Variants in SMURF2 observed in about 807,000 individuals in gnomAD.
The protein encoded by SMURF2 is E3 ubiquitin-protein ligase SMURF2.
SMURF2 carries 48 observed loss-of-function variants against 109.6 expected under a neutral mutation model. That is an observed-to-expected ratio of 0.44 (90% CI 0.35 to 0.56). The LOEUF (loss-of-function observed/expected upper bound fraction) is 0.56, where lower values mean the gene tolerates loss of function less well. Among genes scored for constraint, SMURF2 ranks in the 20% least tolerant of loss-of-function variants. SMURF2 has a pLI of 0.01. For missense variants in SMURF2, 575 were observed against 909.0 expected (o/e 0.63, Z 4.72); for synonymous variants, 288 against 317.1 (o/e 0.91, Z 0.97).
chr17:64,602,176 G>A (rs1484653180), intron 2 of SMURF2, among the ~76,000 whole-genome samples: 4 of 151,786 alleles, frequency 2.6e-5, no homozygotes, highest in Non-Finnish European at 5.9e-5. Flanking sequence ...GGGACTGGGG[G>A]AAAGGGTGGG....
At chr17:64,649,523 T>C (rs1392226346) in intron 1 of SMURF2, among the ~76,000 whole-genome samples, 1 of 152,142 alleles carries the variant, frequency 6.6e-6, no homozygotes, top group African/African-American at 2.4e-5. Context: ...ATAAAAATGG[T>C]TTATAAAAAT....
chr17:64,632,020 C>T (rs144076710), intron 1 of SMURF2, among the ~76,000 whole-genome samples: 2 of 124,194 alleles, frequency 1.6e-5, no homozygotes, highest in African/African-American at 3.0e-5. Context: ...TACAATGTTG[C>T]GATCTCGGCT....
In SMURF2 at chr17:64,547,430, A is replaced by T. The variant is rs1968974270; in HGVS notation, c.2071+170T>A. Among the ~76,000 whole-genome samples, 1 of 152,220 alleles carries T rather than the reference A, an allele frequency of 6.6e-6. No homozygotes were observed. Among genetic ancestry groups the T allele is most frequent in the African/African-American group, 2.4e-5 (1 of 41,460 alleles). ...GAAGCCCGCAGAAAAGGCTCTTGGG[A>T]AGGGAACAAAAGAAAGGAGGGAGAA... On this transcript the variant is annotated intron_variant, in intron 17 of 18. Transcript: ENST00000262435. The surrounding 1 kb of genome is among the most constrained non-coding windows in gnomAD (Gnocchi z 4.2).
At chr17:64,657,286 G>C (rs1316261561) in intron 1 of SMURF2, among the ~76,000 whole-genome samples, 2 of 152,050 alleles carry the variant, frequency 1.3e-5, no homozygotes, top group African/African-American at 4.8e-5. Flanking sequence ...GTATTGCTAG[G>C]GGCGAGGGCA....
chr17:64,583,995 C>G (rs967600522), intron 6 of SMURF2, among the ~76,000 whole-genome samples: 1 of 152,032 alleles, frequency 6.6e-6, no homozygotes, highest in African/African-American at 2.4e-5. Flanking sequence ...CCTACCCAAA[C>G]TAATTTTTTA....
rs568622136 is a variant in SMURF2, at chr17:64,606,791, T to C, written c.53-151A>G. ...GACCACAAACTTTCGAACTAGCAAA[T>C]AAAAGACAGTTGAACCAGTGGTTGC... is the stretch of plus-strand genomic sequence containing the variant. On this transcript the variant is annotated intron_variant, in intron 1 of 18. Transcript: ENST00000262435. 2.6e-5 allele frequency: 14 copies of C among 547,836 alleles called. No homozygotes were observed. The African/African-American group carries it at 2.6e-4, about 10-fold the overall frequency. 33.9% of individuals were successfully genotyped at this position (547,836 alleles called of 1,614,324 possible). A position where few individuals can be genotyped will look rare whatever the true frequency, so the allele number is the denominator to read the frequency against.
chr17:64,583,133 C>T (rs1283523863), intron 7 of SMURF2, among the ~76,000 whole-genome samples: 1 of 152,136 alleles, frequency 6.6e-6, no homozygotes. Flanking sequence ...CTCAAGTGAT[C>T]CACATGCCTT....
chr17:64,599,833 A>G (rs1190009148), intron 2 of SMURF2, among the ~76,000 whole-genome samples: 2 of 152,208 alleles, frequency 1.3e-5, no homozygotes, highest in Non-Finnish European at 2.9e-5. Flanking sequence ...CATACAGGAG[A>G]AGGAGGACTT....
At chr17:64,592,798 T>C (rs79798710) in intron 4 of SMURF2, among the ~76,000 whole-genome samples, 5,652 of 152,286 alleles carry the variant, frequency 0.037, 361 homozygotes, top group African/African-American at 0.13. Flanking sequence ...AAATCCATTA[T>C]GAAAACCACT....
At chr17:64,579,442 G>A (rs181854580) in intron 8 of SMURF2, among the ~76,000 whole-genome samples, 180 of 152,174 alleles carry the variant, frequency 1.2e-3, no homozygotes, top group African/African-American at 4.1e-3. Context: ...AACTTTCACA[G>A]ATTATAAACA....
Position 64,662,288 on chromosome 17 carries a change from C to T in SMURF2, c.-408G>A, listed in dbSNP as rs1469749150. The T allele has an allele frequency of 5.1e-6, 5 of 980,780 alleles. No homozygotes were observed. The highest frequency in any genetic ancestry group is 2.3e-4 in the East Asian group (2 of 8,744). 60.8% of individuals were successfully genotyped at this position (980,780 alleles called of 1,614,324 possible). A position where few individuals can be genotyped will look rare whatever the true frequency, so the allele number is the denominator to read the frequency against. ...GAACTCTGGGCTCGGCCGCTTCCTC[C>T]TCCACCCGCCCTCTTGTCTGAGGGA... is the stretch of plus-strand genomic sequence containing the variant. On this transcript the variant is annotated 5_prime_UTR_variant, in exon 1 of 19. Coordinates refer to ENST00000262435, the MANE Select transcript of SMURF2 (RefSeq NM_022739.4).
chr17:64,550,986 G>A (rs1405799454), intron 16 of SMURF2, among the ~76,000 whole-genome samples: 1 of 152,100 alleles, frequency 6.6e-6, no homozygotes, highest in Non-Finnish European at 1.5e-5. Context: ...TTGGAAGAAT[G>A]TACATATAAG....
chr17:64,626,900 A>G (rs1464780948), intron 1 of SMURF2, among the ~76,000 whole-genome samples: 2 of 151,650 alleles, frequency 1.3e-5, no homozygotes, highest in Non-Finnish European at 2.9e-5. Context: ...ATAACATTAA[A>G]CTATCACATG....
intron 1 of SMURF2, among the ~76,000 whole-genome samples, chr17:64,659,897 C>T (rs1312222795): frequency 6.6e-6 from 1 of 152,134 alleles, no homozygotes; most frequent in Non-Finnish European, 1.5e-5. Flanking sequence ...GAAAACTATT[C>T]AGAGACAAAT....
chr17:64,573,366 A>G (rs985953983), intron 9 of SMURF2, among the ~76,000 whole-genome samples: 1 of 152,080 alleles, frequency 6.6e-6, no homozygotes, highest in Non-Finnish European at 1.5e-5. Flanking sequence ...TTTCATCAAA[A>G]CCACATTTTA....
At chr17:64,627,132 G>A (rs1410200409) in intron 1 of SMURF2, among the ~76,000 whole-genome samples, 3 of 26,464 alleles carry the variant, frequency 1.1e-4, no homozygotes, top group African/African-American at 6.5e-4. Flanking sequence ...TTTTTTTTTT[G>A]AGATGGAGTC....
rs77812269 is a variant in SMURF2 at position 64,615,018 on chromosome 17, T to C, written c.53-8378A>G. Among the ~76,000 whole-genome samples, 589 of 152,298 alleles carry C rather than the reference T, an allele frequency of 3.9e-3. 31 individuals are homozygous for C. In the East Asian group the frequency reaches 0.097, roughly 25 times the overall value. On this transcript the variant is annotated intron_variant, in intron 1 of 18. Coordinates refer to ENST00000262435, the MANE Select transcript of SMURF2 (RefSeq NM_022739.4). ...CATTTTCATTTAGGTCAATAATTTATTTTTCTGGTAGGAAAGGAGTTATCT... is the reference window on the plus strand; with the variant it reads ...CATTTTCATTTAGGTCAATAATTTACTTTTCTGGTAGGAAAGGAGTTATCT...
At chr17:64,628,340 GGT>G (rs1970294274) in intron 1 of SMURF2, among the ~76,000 whole-genome samples, 2 of 151,934 alleles carry the variant, frequency 1.3e-5, no homozygotes, top group Admixed American at 6.6e-5. Context: ...TAGACTACTG[GGT>G]CTGCCTCAAC....
At chr17:64,604,057 G>T (rs1188330739) in intron 2 of SMURF2, among the ~76,000 whole-genome samples, 1 of 152,100 alleles carries the variant, frequency 6.6e-6, no homozygotes, top group African/African-American at 2.4e-5. Context: ...TTTAATTGAA[G>T]AATTTAGGAA....
Sources: allele counts gnomAD v4.1 joint callset (sites outside exome capture counted in the v4.1 genomes callset), GRCh38; gene constraint gnomAD v4.1.1; non-coding constraint Gnocchi (gnomAD v3.1); transcripts MANE v1.5; gene names NCBI Gene and HGNC (gene_info 2026-07-23, HGNC 2026-07-21).